Variants in STARD13 observed in about 807,000 individuals in gnomAD.
STARD13 encodes the protein StAR related lipid transfer domain containing 13.
A neutral mutation model predicts 106.4 loss-of-function variants in STARD13; 62 were observed. The ratio of observed to expected loss-of-function variants is 0.58; its 90% CI spans 0.48 to 0.72. The LOEUF (loss-of-function observed/expected upper bound fraction) is 0.72, where lower values mean the gene tolerates loss of function less well. STARD13 is among the 30% of genes least tolerant of loss of function. The probability of loss-of-function intolerance (pLI) is 0.00; values close to 1 mark genes in which losing one functional copy is unlikely to be tolerated. For synonymous variants in STARD13, 565 were observed against 553.0 expected, an observed-to-expected ratio of 1.02 and a Z score of -0.31; for missense variants, 1,387 against 1,424.0, an observed-to-expected ratio of 0.97 and a Z score of 0.42.
intron 1 of STARD13, among the ~76,000 whole-genome samples, chr13:33,214,692 G>GCACACACA (rs1440199937): frequency 1.3e-4 from 13 of 103,330 alleles, no homozygotes; most frequent in African/African-American, 5.7e-4. Context: ...ACACACACAT[G>GCACACACA]CACACATACA....
chr13:33,407,233 A>G, the STARD13 span, among the ~76,000 whole-genome samples: 1 of 152,150 alleles, frequency 6.6e-6, no homozygotes, highest in East Asian at 1.9e-4. Flanking sequence ...TGGTCTCTAA[A>G]ATGCAGGCCT....
chr13:33,513,466 C>T, the STARD13 span, among the ~76,000 whole-genome samples: 45,797 of 152,092 alleles, frequency 0.3, 7,466 homozygotes, highest in Middle Eastern at 0.38. Flanking sequence ...ACGTGATTCA[C>T]TGACTTCCAT....
chr13:33,205,834 C>T, intron 1 of STARD13: 12 of 985,302 alleles, frequency 1.2e-5, no homozygotes, highest in Non-Finnish European at 1.4e-5. Context: ...TTAAAATTGT[C>T]CTTAGGCTGT....
At chr13:33,453,423 A>G in the STARD13 span, among the ~76,000 whole-genome samples, 1 of 152,202 alleles carries the variant, frequency 6.6e-6, no homozygotes, top group Non-Finnish European at 1.5e-5. Flanking sequence ...TTCATGAATA[A>G]ATCCTAAGTG....
At chr13:33,198,334 A>G (rs947808917) in intron 1 of STARD13, among the ~76,000 whole-genome samples, 5 of 151,836 alleles carry the variant, frequency 3.3e-5, no homozygotes, top group African/African-American at 1.2e-4. Context: ...ACACTGCCCA[A>G]CTCACTAGTC....
chr13:33,105,487 G>T lies in STARD13; in HGVS notation c.*106C>A. 1.3e-6 allele frequency: 1 copy of T among 771,288 alleles called. No homozygotes were observed. The highest frequency in any genetic ancestry group is 1.7e-5 in the African/African-American group (1 of 58,094). The allele number at this position is 771,288 out of a possible 1,614,324, so 47.8% of individuals were successfully genotyped here. On this transcript the variant is annotated 3_prime_UTR_variant, in exon 14 of 14. Transcript: ENST00000336934. ...ACGTTTCCATTTTTAGGCATTAACC[G>T]CGTCCTTCAGTTCCTCTTTCTCTCG... is the stretch of plus-strand genomic sequence containing the variant.
At chr13:33,249,901 C>T (rs149731068) in intron 1 of STARD13, among the ~76,000 whole-genome samples, 2,234 of 152,176 alleles carry the variant, frequency 0.015, 56 homozygotes, top group African/African-American at 0.051. Flanking sequence ...ACAATAGTCC[C>T]ACCTCAGCCT....
chr13:33,128,895 A>G (rs1877669244), intron 5 of STARD13, 34 bp downstream of exon 5: 2 of 1,558,320 alleles, frequency 1.3e-6, no homozygotes, highest in Middle Eastern at 1.7e-4. Context: ...TATGAAATGG[A>G]TGAAAAATCA....
chr13:33,339,920 A>AT (rs1469056604), intron 1 of STARD13, among the ~76,000 whole-genome samples: 1 of 152,070 alleles, frequency 6.6e-6, no homozygotes, highest in Non-Finnish European at 1.5e-5. Flanking sequence ...AAAAAAAAAA[A>AT]GGAAAATACT....
the STARD13 span, among the ~76,000 whole-genome samples, chr13:33,607,693 G>A: frequency 4.6e-5 from 7 of 151,978 alleles, no homozygotes; most frequent in South Asian, 2.1e-4. Flanking sequence ...TGATATTATC[G>A]TCCACACAGT....
chr13:33,438,729 C>CTGAAGAA, the STARD13 span, among the ~76,000 whole-genome samples: 1 of 152,098 alleles, frequency 6.6e-6, no homozygotes, highest in African/African-American at 2.4e-5. Context: ...TGACTATATC[C>CTGAAGAA]CAGAGATCCA....
intron 1 of STARD13, among the ~76,000 whole-genome samples, chr13:33,238,221 C>T (rs917717760): frequency 7.9e-5 from 12 of 152,136 alleles, no homozygotes; most frequent in African/African-American, 2.9e-4. Flanking sequence ...TCCTCACTCA[C>T]TTGGGTTTTT....
the STARD13 span, among the ~76,000 whole-genome samples, chr13:33,561,508 TA>T: frequency 6.6e-6 from 1 of 151,542 alleles, no homozygotes; most frequent in African/African-American, 2.4e-5. Flanking sequence ...CTTGTCTTTT[TA>T]AAAAATATCT....
In STARD13 at chr13:33,254,215, G is replaced by T. The variant is rs553364465; in HGVS notation, c.169+31255C>A. 5.3e-5 allele frequency among the ~76,000 whole-genome samples: 8 copies of T among 152,334 alleles called. No homozygotes were observed. The South Asian group carries it at 1.5e-3, about 28-fold the overall frequency. On this transcript the variant is annotated intron_variant, in intron 1 of 13. Coordinates refer to ENST00000336934, the MANE Select transcript of STARD13 (RefSeq NM_178006.4). ...ACTGAGGTCAGAGGCACAGCATGAG[G>T]TCAAGTCAGCGGCAAAGAGGATAAT...
intron 1 of STARD13, among the ~76,000 whole-genome samples, chr13:33,195,760 A>C (rs930602149): frequency 6.6e-6 from 1 of 152,214 alleles, no homozygotes; most frequent in African/African-American, 2.4e-5. Flanking sequence ...AAGATGGGAA[A>C]GATCATATGT....
At chr13:33,598,212 G>A in the STARD13 span, among the ~76,000 whole-genome samples, 14 of 152,190 alleles carry the variant, frequency 9.2e-5, no homozygotes, top group Middle Eastern at 3.4e-3. Context: ...TACTCATATG[G>A]CTCCCTTCGA....
the STARD13 span, among the ~76,000 whole-genome samples, chr13:33,469,838 G>A: frequency 1.4e-5 from 2 of 146,000 alleles, no homozygotes; most frequent in African/African-American, 5.4e-5. Flanking sequence ...AAGCAGGGTA[G>A]GGACAAGGGA....
At chr13:33,327,412 C>T (rs946272166) in intron 1 of STARD13, among the ~76,000 whole-genome samples, 3 of 152,142 alleles carry the variant, frequency 2.0e-5, no homozygotes, top group South Asian at 2.1e-4. Flanking sequence ...CACTGTCACC[C>T]AGGCTGGAGT....
At chr13:33,319,101 G>T (rs557704857) in intron 1 of STARD13, among the ~76,000 whole-genome samples, 1 of 152,286 alleles carries the variant, frequency 6.6e-6, no homozygotes, top group South Asian at 2.1e-4. Flanking sequence ...GTATGTGAAT[G>T]CTCACAGCAT....
Sources: allele counts gnomAD v4.1 joint callset (sites outside exome capture counted in the v4.1 genomes callset), GRCh38; gene constraint gnomAD v4.1.1; transcripts MANE v1.5; gene names NCBI Gene and HGNC (gene_info 2026-07-23, HGNC 2026-07-21).